Variants in GPM6A observed in about 807,000 individuals in gnomAD.
GPM6A encodes glycoprotein M6A, also known as neuronal membrane glycoprotein M6-a.
GPM6A carries 7 observed loss-of-function variants against 32.1 expected under a neutral mutation model. The ratio of observed to expected loss-of-function variants is 0.22; its 90% CI spans 0.12 to 0.41. The LOEUF (loss-of-function observed/expected upper bound fraction) is 0.41, where lower values mean the gene tolerates loss of function less well. Among genes scored for constraint, GPM6A ranks in the 10% least tolerant of loss-of-function variants. The probability of loss-of-function intolerance (pLI) is 1.00; values close to 1 mark genes in which losing one functional copy is unlikely to be tolerated. For missense variants in GPM6A, 235 were observed against 347.2 expected (o/e 0.68, Z 2.57); for synonymous variants, 130 against 123.4 (o/e 1.05, Z -0.35).
chr4:175,758,315 A>G (rs1176544424), intron 1 of GPM6A, among the ~76,000 whole-genome samples: 1 of 152,228 alleles, frequency 6.6e-6, no homozygotes, highest in Non-Finnish European at 1.5e-5. Flanking sequence ...ATAAAGTGCC[A>G]TAAGAAAATC....
intron 1 of GPM6A, among the ~76,000 whole-genome samples, chr4:175,862,820 C>T (rs1044503119): frequency 2.6e-5 from 4 of 151,912 alleles, no homozygotes; most frequent in African/African-American, 9.7e-5. Flanking sequence ...GCAAATTTTG[C>T]ATTTAAAAAA....
rs182491818 is a variant in GPM6A at position 175,904,705 on chromosome 4, A to G, written c.-22-92456T>C. ...CTCTCCTGACCACAAAGCTCCTACA[A>G]TTTATGGAAAAAATAAATAACTAAT... On this transcript the variant is annotated intron_variant, in intron 1 of 7. Transcript: ENST00000280187. Among the ~76,000 whole-genome samples the G allele has an allele frequency of 9.2e-5, 14 of 152,244 alleles. No individual in the cohort carries two copies. In the East Asian group the frequency reaches 2.5e-3, roughly 27 times the overall value.
At chr4:175,650,248 T>C (rs1474760656) in intron 4 of GPM6A, among the ~76,000 whole-genome samples, 1 of 151,936 alleles carries the variant, frequency 6.6e-6, no homozygotes, top group Non-Finnish European at 1.5e-5. Context: ...GCTCACTTAT[T>C]TGGCACTCTT....
In GPM6A at chr4:175,665,289, C is replaced by A. The variant is rs546909102; in HGVS notation, c.387+8391G>T. ...TGTATAGCATGCATGTCTTCATGTACAAGTCTCCCATGTATTCTGACTATA... is the reference window on the plus strand; with the variant it reads ...TGTATAGCATGCATGTCTTCATGTAAAAGTCTCCCATGTATTCTGACTATA... On this transcript the variant is annotated intron_variant, in intron 3 of 6. Coordinates refer to ENST00000393658, the MANE Select transcript of GPM6A (RefSeq NM_201591.3). Among the ~76,000 whole-genome samples the A allele has an allele frequency of 5.9e-5, 9 of 152,174 alleles. No individual in the cohort carries two copies. In the South Asian group the frequency reaches 1.7e-3, roughly 28 times the overall value.
chr4:175,946,095 G>A (rs745892825), intron 1 of GPM6A, among the ~76,000 whole-genome samples: 6 of 151,872 alleles, frequency 4.0e-5, no homozygotes, highest in South Asian at 4.2e-4. Flanking sequence ...GTATATCCAC[G>A]TAACAAAACA....
chr4:175,667,122 T>C (rs1167149838), intron 3 of GPM6A, among the ~76,000 whole-genome samples: 1 of 152,246 alleles, frequency 6.6e-6, no homozygotes, highest in African/African-American at 2.4e-5. Flanking sequence ...ATATACAGGA[T>C]GTTTATCATA....
At chr4:175,803,164 TTCA>T (rs5864348) in intron 1 of GPM6A, among the ~76,000 whole-genome samples, 108,862 of 145,464 alleles carry the variant, frequency 0.75, 42,653 homozygotes, top group Middle Eastern at 0.87. Flanking sequence ...CTGTTCTCGT[TTCA>T]TCATCATCAT....
At chr4:175,677,845 A>C (rs1225677824) in intron 2 of GPM6A, among the ~76,000 whole-genome samples, 1 of 152,180 alleles carries the variant, frequency 6.6e-6, no homozygotes, top group Non-Finnish European at 1.5e-5. Context: ...ATCCAAATGT[A>C]CCAGTCATGA....
chr4:175,966,734 T>G (rs1740346150), intron 1 of GPM6A, among the ~76,000 whole-genome samples: 1 of 152,136 alleles, frequency 6.6e-6, no homozygotes, highest in Non-Finnish European at 1.5e-5. Flanking sequence ...ATGCTTGTTG[T>G]TTAAGTCATT....
At chr4:175,857,853 T>C (rs1223237479) in intron 1 of GPM6A, among the ~76,000 whole-genome samples, 1 of 152,174 alleles carries the variant, frequency 6.6e-6, no homozygotes, top group Non-Finnish European at 1.5e-5. Flanking sequence ...TTCATGAATA[T>C]ACTAGAGGTT....
chr4:175,819,676 T>C (rs1735215130), intron 1 of GPM6A, among the ~76,000 whole-genome samples: 1 of 152,182 alleles, frequency 6.6e-6, no homozygotes, highest in South Asian at 2.1e-4. Context: ...GATTTAAACA[T>C]AGGCATTCTG....
At chr4:175,846,155 T>C (rs2111393814) in intron 1 of GPM6A, among the ~76,000 whole-genome samples, 1 of 152,252 alleles carries the variant, frequency 6.6e-6, no homozygotes, top group African/African-American at 2.4e-5. Flanking sequence ...CAGTTTGCCT[T>C]ATATTGAAAA....
At chr4:175,813,005 G>GA (rs1734989231), upstream of GPM6A, 1 of 984,306 alleles carries the variant, frequency 1.0e-6, no homozygotes, top group African/African-American at 1.7e-5. Flanking sequence ...TCAAAGGAGT[G>GA]AGTATAAAGC....
chr4:175,646,880 A>G (rs568983937), intron 4 of GPM6A, among the ~76,000 whole-genome samples: 63 of 152,110 alleles, frequency 4.1e-4, no homozygotes, highest in African/African-American at 1.5e-3. Flanking sequence ...TCACTATATG[A>G]CCCCACCACC....
In GPM6A at chr4:175,821,420, C is replaced by T. The variant is rs767464172; in HGVS notation, c.-22-9171G>A. Among the ~76,000 whole-genome samples the T allele has an allele frequency of 2.0e-5, 3 of 152,128 alleles. No homozygotes were observed. In the East Asian group the frequency reaches 5.8e-4, roughly 29 times the overall value. On this transcript the variant is annotated intron_variant, in intron 1 of 7. Coordinates refer to the GPM6A transcript ENST00000280187. Reference sequence around the variant, plus strand: ...TAAATGTCTAACATATATATTTTTACAGTGCCTTAGTTAATCTTGGTTTTT... The same window carrying T: ...TAAATGTCTAACATATATATTTTTATAGTGCCTTAGTTAATCTTGGTTTTT...
At chr4:175,647,856 T>A (rs1741552863) in intron 4 of GPM6A, among the ~76,000 whole-genome samples, 1 of 152,132 alleles carries the variant, frequency 6.6e-6, no homozygotes, top group Admixed American at 6.5e-5. Context: ...TCAGGACATA[T>A]AATCTGGAGG....
chr4:175,669,183 A>G (rs1302288639), intron 3 of GPM6A, among the ~76,000 whole-genome samples: 1 of 152,212 alleles, frequency 6.6e-6, no homozygotes, highest in Non-Finnish European at 1.5e-5. Flanking sequence ...ACTTAGTACT[A>G]AAATTTGATT....
chr4:175,918,511 A>C (rs11930485), intron 1 of GPM6A, among the ~76,000 whole-genome samples: 94,199 of 150,570 alleles, frequency 0.63, 31,704 homozygotes, highest in Middle Eastern at 0.74. Flanking sequence ...TTAACAACAA[A>C]AAAAAAAAGC....
intron 1 of GPM6A, among the ~76,000 whole-genome samples, chr4:175,953,030 T>TA (rs376944274): frequency 0.16 from 21,153 of 135,212 alleles, 1,965 homozygotes; most frequent in Non-Finnish European, 0.22. Flanking sequence ...ACCCTGTTTT[T>TA]AAAAAAAAAA....
Sources: gnomAD v4.1 joint callset for allele counts (sites outside exome capture counted in the v4.1 genomes callset) on GRCh38, gnomAD v4.1.1 for gene constraint, MANE v1.5 for transcripts, NCBI Gene and HGNC (gene_info 2026-07-23, HGNC 2026-07-21) for gene names.